The following RARB variants were observed in gnomAD, a reference collection of about 807,000 sequenced individuals.
RARB encodes the protein retinoic acid receptor beta.
Under a neutral mutation model 51.9 loss-of-function variants are expected in RARB, and 17 were observed. The ratio of observed to expected loss-of-function variants is 0.33; its 90% CI spans 0.22 to 0.49. RARB has a LOEUF of 0.49. RARB is among the 20% of genes least tolerant of loss of function. RARB has a pLI of 0.99. For synonymous variants in RARB, 215 were observed against 195.4 expected (o/e 1.10, Z -0.84); for missense variants, 369 against 550.8 (o/e 0.67, Z 3.30).
chr3:25,261,191 T>C (rs938005055), intron 5 of RARB, among the ~76,000 whole-genome samples: 2 of 152,162 alleles, frequency 1.3e-5, no homozygotes, highest in Non-Finnish European at 2.9e-5. Context: ...GTTGCTATTG[T>C]CATCATTATT....
intron 2 of RARB, among the ~76,000 whole-genome samples, chr3:24,982,281 T>C (rs1696694597): frequency 2.0e-5 from 3 of 152,208 alleles, no homozygotes; most frequent in African/African-American, 7.2e-5. Flanking sequence ...GTGGGCTACC[T>C]TGGCTTTCTC....
intron 3 of RARB, among the ~76,000 whole-genome samples, chr3:25,124,932 TAGA>T (rs1181901910): frequency 6.6e-6 from 1 of 152,318 alleles, no homozygotes; most frequent in African/African-American, 2.4e-5. Context: ...TTGGTTAATA[TAGA>T]AGAAGGCAAG....
At chr3:25,027,034 G>C (rs188140270) in intron 2 of RARB, among the ~76,000 whole-genome samples, 1 of 150,080 alleles carries the variant, frequency 6.7e-6, no homozygotes, top group Admixed American at 6.6e-5. Context: ...CAAAACTCTT[G>C]AAAATTTAAC....
At chr3:25,359,824 A>C (rs756330710) in intron 5 of RARB, among the ~76,000 whole-genome samples, 2 of 152,176 alleles carry the variant, frequency 1.3e-5, no homozygotes, top group African/African-American at 2.4e-5. Context: ...ATGTGATTGT[A>C]CTGTGGTCTG....
chr3:25,246,292 T>C (rs1702559319), intron 5 of RARB, among the ~76,000 whole-genome samples: 1 of 152,132 alleles, frequency 6.6e-6, no homozygotes, highest in Admixed American at 6.5e-5. Context: ...AGGAGTTTGT[T>C]ATTACCCATC....
At chr3:25,224,852 G>A (rs1702020995) in intron 5 of RARB, among the ~76,000 whole-genome samples, 3 of 151,930 alleles carry the variant, frequency 2.0e-5, no homozygotes, top group South Asian at 2.1e-4. Flanking sequence ...CAATCCACCC[G>A]CCTCAGCCTC....
intron 2 of RARB, among the ~76,000 whole-genome samples, chr3:24,980,465 G>T (rs1696633891): frequency 6.6e-6 from 1 of 151,084 alleles, no homozygotes; most frequent in Non-Finnish European, 1.5e-5. Context: ...GGCTTTATTT[G>T]TTTCTCTTCT....
intron 5 of RARB, among the ~76,000 whole-genome samples, chr3:25,175,473 A>G (rs1407497960): frequency 6.6e-6 from 1 of 152,206 alleles, no homozygotes; most frequent in Non-Finnish European, 1.5e-5. Flanking sequence ...AAATATTAGC[A>G]TGGTATCATT....
chr3:24,969,022 G>GT (rs1696337075), intron 2 of RARB, among the ~76,000 whole-genome samples: 2 of 151,720 alleles, frequency 1.3e-5, no homozygotes, highest in African/African-American at 4.8e-5. Context: ...CTACAATCAA[G>GT]TTACCTGCTA....
Position 25,167,235 on chromosome 3 carries a change from C to T in RARB, c.-279-6884C>T, listed in dbSNP as rs147583526. Among the ~76,000 whole-genome samples, 8 of 152,312 alleles carry T rather than the reference C, an allele frequency of 5.3e-5. No homozygotes were observed. In the East Asian group the frequency reaches 1.2e-3, roughly 22 times the overall value. On this transcript the variant is annotated intron_variant, in intron 4 of 11. Transcript: ENST00000383772. Reference sequence around the variant, plus strand: ...TGACCACAGAGCTCTAGTTTTTAAACTTAATGAACATCCAGTGAAATATAA... The same window carrying T: ...TGACCACAGAGCTCTAGTTTTTAAATTTAATGAACATCCAGTGAAATATAA...
intron 4 of RARB, among the ~76,000 whole-genome samples, chr3:25,173,263 A>G (rs185422442): frequency 3.3e-5 from 5 of 152,318 alleles, no homozygotes; most frequent in African/African-American, 1.2e-4. Context: ...TTCTTTAACA[A>G]TATGACCTCA....
intron 5 of RARB, among the ~76,000 whole-genome samples, chr3:25,264,778 C>T (rs1559337338): frequency 1.3e-5 from 2 of 152,112 alleles, no homozygotes; most frequent in African/African-American, 2.4e-5. Flanking sequence ...ACACTTTTCT[C>T]CTTCTTCAAA....
intron 3 of RARB, among the ~76,000 whole-genome samples, chr3:25,119,512 T>C (rs1476728262): frequency 5.9e-5 from 9 of 152,182 alleles, no homozygotes; most frequent in South Asian, 2.1e-4. Context: ...TCAACAAACA[T>C]TGGCTGCTAT....
chr3:25,305,910 C>A (rs752494720), intron 5 of RARB, among the ~76,000 whole-genome samples: 1 of 151,992 alleles, frequency 6.6e-6, no homozygotes, highest in East Asian at 1.9e-4. Context: ...ATGTTTGCAG[C>A]CTGTCTGGTA....
chr3:25,017,207 A>G (rs561794002), intron 2 of RARB, among the ~76,000 whole-genome samples: 52 of 146,962 alleles, frequency 3.5e-4, no homozygotes, highest in Non-Finnish European at 5.6e-4. Context: ...CAAATTAACT[A>G]GCTTTCCCCC....
intron 2 of RARB, among the ~76,000 whole-genome samples, chr3:24,865,628 A>G (rs1282592445): frequency 6.6e-6 from 1 of 152,152 alleles, no homozygotes; most frequent in East Asian, 1.9e-4. Flanking sequence ...TATATTTATT[A>G]TAACTTAATA....
At chr3:25,350,405 A>G (rs896627350) in intron 5 of RARB, among the ~76,000 whole-genome samples, 4 of 152,196 alleles carry the variant, frequency 2.6e-5, no homozygotes, top group Admixed American at 2.6e-4. Context: ...CAAAGAGGGA[A>G]TAGTGGCTTT....
rs145274228 is a variant in RARB, at chr3:24,885,301, G to C, written c.-380+26549G>C. On this transcript the variant is annotated intron_variant, in intron 2 of 11. Coordinates refer to the RARB transcript ENST00000383772. Reference sequence around the variant, plus strand: ...AGTGGCTGAAATGGGATGCCTTTGGGAATTTGGTAATTTCCAGTTTGTCAA... The same window carrying C: ...AGTGGCTGAAATGGGATGCCTTTGGCAATTTGGTAATTTCCAGTTTGTCAA... Among the ~76,000 whole-genome samples, 4 of 152,220 alleles carry C rather than the reference G, an allele frequency of 2.6e-5. No individual in the cohort carries two copies. In the East Asian group the frequency reaches 7.8e-4, roughly 30 times the overall value.
chr3:24,936,206 GCAT>G lies in RARB; in HGVS notation c.-380+77458_-380+77460del, dbSNP rs893818043. Among the ~76,000 whole-genome samples the G allele has an allele frequency of 4.6e-5, 7 of 152,110 alleles. 1 individual carries two copies. On this transcript the variant is annotated intron_variant, in intron 2 of 11. Transcript: ENST00000383772. Reference sequence around the variant, plus strand: ...AATGGGTGCAAGCGCTTCGTAGATAGCATCATAATTTTGAGATGTGTGATGGTG... The same window carrying G: ...AATGGGTGCAAGCGCTTCGTAGATAGCATAATTTTGAGATGTGTGATGGTG...
Sources: gnomAD v4.1 joint callset for allele counts (sites outside exome capture counted in the v4.1 genomes callset) on GRCh38, gnomAD v4.1.1 for gene constraint, MANE v1.5 for transcripts, NCBI Gene and HGNC (gene_info 2026-07-23, HGNC 2026-07-21) for gene names.